Variants in OCA2 observed in about 807,000 individuals in gnomAD.
OCA2 encodes the protein OCA2 melanosomal transmembrane protein.
Under a neutral mutation model 100.2 loss-of-function variants are expected in OCA2, and 77 were observed. The observed-to-expected ratio is 0.77, with a 90% CI of 0.64 to 0.93. The LOEUF is 0.93. Among genes scored for constraint, OCA2 ranks in the 40% least tolerant of loss-of-function variants. OCA2 has a pLI of 0.00. For missense variants in OCA2, 1,062 were observed against 1,089.1 expected (o/e 0.98, Z 0.35); for synonymous variants, 432 against 439.2 (o/e 0.98, Z 0.21).
At chr15:27,740,966 G>A in the OCA2 span, among the ~76,000 whole-genome samples, 2 of 152,198 alleles carry the variant, frequency 1.3e-5, no homozygotes, top group African/African-American at 4.8e-5. Flanking sequence ...GCCCCTTGCT[G>A]AGTTTGATAA....
intron 4 of OCA2, among the ~76,000 whole-genome samples, chr15:28,026,967 G>A (rs920101697): frequency 3.3e-5 from 5 of 152,208 alleles, no homozygotes; most frequent in South Asian, 2.1e-4. Context: ...GGGTACCGTC[G>A]CGTGGCCAGG....
intron 22 of OCA2, among the ~76,000 whole-genome samples, chr15:27,847,338 C>T (rs896409506): frequency 2.6e-5 from 4 of 152,214 alleles, no homozygotes; most frequent in African/African-American, 4.8e-5. Flanking sequence ...CCACTGTTCT[C>T]GGCCTCTCCC....
intron 23 of OCA2, among the ~76,000 whole-genome samples, chr15:27,830,232 C>T (rs1167044774): frequency 2.0e-5 from 3 of 152,106 alleles, no homozygotes; most frequent in Non-Finnish European, 4.4e-5. Context: ...ACTCAAAACC[C>T]CACGAGGATT....
intron 19 of OCA2, among the ~76,000 whole-genome samples, chr15:27,918,342 T>C (rs1390194953): frequency 1.3e-5 from 2 of 152,094 alleles, no homozygotes; most frequent in Non-Finnish European, 2.9e-5. Context: ...AGTGCTGGGA[T>C]TACAGGCGAG....
chr15:28,092,444 C>T lies in OCA2; in HGVS notation c.-22+6780G>A, dbSNP rs1436343589. ...AATCACGCCTCACTGCAGTCTTGTC[C>T]TCCCAGGCTCAGTGATCCTCCCACC... On this transcript the variant is annotated intron_variant, in intron 1 of 23. Transcript: ENST00000354638. Among the ~76,000 whole-genome samples the T allele has an allele frequency of 2.6e-5, 4 of 152,164 alleles. No homozygotes were observed. The East Asian group carries it at 7.7e-4, about 29-fold the overall frequency.
intron 18 of OCA2, among the ~76,000 whole-genome samples, chr15:27,949,882 T>C (rs1372704240): frequency 1.3e-5 from 2 of 152,160 alleles, no homozygotes; most frequent in Non-Finnish European, 2.9e-5. Flanking sequence ...CTAACCTATC[T>C]TGATAAATAT....
At chr15:27,983,910 C>A (rs2041255030) in intron 13 of OCA2, among the ~76,000 whole-genome samples, 1 of 151,542 alleles carries the variant, frequency 6.6e-6, no homozygotes, top group Admixed American at 6.6e-5. Context: ...AGGCCCTAGG[C>A]TCTCTTCTCA....
At chr15:28,094,875 G>C (rs1273606702) in intron 1 of OCA2, among the ~76,000 whole-genome samples, 1 of 152,244 alleles carries the variant, frequency 6.6e-6, no homozygotes, top group African/African-American at 2.4e-5. Flanking sequence ...GGAGTGGGGC[G>C]ACGGCACCGG....
chr15:27,755,278 C>T lies in OCA2; in HGVS notation c.*110G>A. 1.3e-6 allele frequency: 1 copy of T among 778,190 alleles called. No individual in the cohort carries two copies. 48.2% of individuals were successfully genotyped at this position (778,190 alleles called of 1,614,324 possible). On this transcript the variant is annotated 3_prime_UTR_variant, in exon 24 of 24. Coordinates refer to ENST00000354638, the MANE Select transcript of OCA2 (RefSeq NM_000275.3). ...TTCCACTGTGTCTCTGTAGCATCTC[C>T]AGGGTAAGCACCTTTTCTTCTTCAA... is the stretch of plus-strand genomic sequence containing the variant.
chr15:27,804,690 C>G (rs1282511887), intron 23 of OCA2, among the ~76,000 whole-genome samples: 1 of 152,096 alleles, frequency 6.6e-6, no homozygotes, highest in Admixed American at 6.6e-5. Context: ...TAAACTAGAG[C>G]CCAGAGAATG....
At chr15:27,771,386 T>TTA (rs529141169) in intron 23 of OCA2, among the ~76,000 whole-genome samples, 12 of 131,652 alleles carry the variant, frequency 9.1e-5, no homozygotes, top group Admixed American at 3.0e-4. Context: ...GAGAGAAGCC[T>TTA]AAAAAAAAAA....
rs115597419 is a variant in OCA2, at chr15:28,044,092, A to C, written c.228-11929T>G. On this transcript the variant is annotated intron_variant, in intron 2 of 23. Transcript: ENST00000354638. ...TTTGCCAGAGTAGACAGCTCTCTGAAAGACCATTTTACAACTTGTGTTAAC... is the reference window on the plus strand; with the variant it reads ...TTTGCCAGAGTAGACAGCTCTCTGACAGACCATTTTACAACTTGTGTTAAC... 2.5e-3 allele frequency among the ~76,000 whole-genome samples: 388 copies of C among 152,356 alleles called. 1 individual carries two copies. Among genetic ancestry groups the C allele is most frequent in the African/African-American group, 8.9e-3 (369 of 41,582 alleles).
chr15:27,844,760 C>CA (rs1162238273), intron 23 of OCA2, among the ~76,000 whole-genome samples, 199 bp downstream of exon 23: 1 of 152,152 alleles, frequency 6.6e-6, no homozygotes, highest in African/African-American at 2.4e-5. Context: ...CTCGCCCTCC[C>CA]AAAGTGCTAG....
chr15:27,726,815 T>C, the OCA2 span, among the ~76,000 whole-genome samples: 6 of 152,166 alleles, frequency 3.9e-5, no homozygotes, highest in Non-Finnish European at 5.9e-5. Context: ...TTCCAGAAAA[T>C]TGCATGAAGA....
chr15:27,823,612 A>G (rs977478841), intron 23 of OCA2, among the ~76,000 whole-genome samples: 2 of 152,236 alleles, frequency 1.3e-5, no homozygotes, highest in Non-Finnish European at 1.5e-5. Context: ...TACATTTTCA[A>G]TTAGTTATTT....
intron 3 of OCA2, among the ~76,000 whole-genome samples, chr15:28,031,860 G>A (rs970151155): frequency 3.3e-5 from 5 of 152,168 alleles, no homozygotes; most frequent in Non-Finnish European, 7.3e-5. Flanking sequence ...TGCAGTTGCT[G>A]CAGGGTTATG....
intron 15 of OCA2, among the ~76,000 whole-genome samples, chr15:27,959,582 G>A (rs534429509): frequency 6.6e-6 from 1 of 152,312 alleles, no homozygotes; most frequent in South Asian, 2.1e-4. Flanking sequence ...TGAAGCAGCT[G>A]ATCAGCTTTA....
intron 15 of OCA2, among the ~76,000 whole-genome samples, chr15:27,965,528 C>T (rs528268893): frequency 1.1e-4 from 16 of 152,270 alleles, no homozygotes; most frequent in African/African-American, 3.6e-4. Flanking sequence ...CAGTCAGCAT[C>T]GGAGGAACTG....
intron 23 of OCA2, among the ~76,000 whole-genome samples, chr15:27,827,442 C>G (rs1374858747): frequency 2.0e-5 from 3 of 152,126 alleles, no homozygotes; most frequent in Non-Finnish European, 4.4e-5. Context: ...CCACCTTCCA[C>G]AGAGTGCCGA....
Sources: gnomAD v4.1 joint callset for allele counts (sites outside exome capture counted in the v4.1 genomes callset) on GRCh38, gnomAD v4.1.1 for gene constraint, MANE v1.5 for transcripts, NCBI Gene and HGNC (gene_info 2026-07-23, HGNC 2026-07-21) for gene names.